The following AHRR variants were observed in gnomAD, a reference collection of about 807,000 sequenced individuals.
AHRR encodes the protein aryl hydrocarbon receptor repressor.
Under a neutral mutation model 44.0 loss-of-function variants are expected in AHRR, and 28 were observed. The observed-to-expected ratio is 0.64, with a 90% CI of 0.47 to 0.87. The LOEUF (loss-of-function observed/expected upper bound fraction) is 0.87, where lower values mean the gene tolerates loss of function less well. Among genes scored for constraint, AHRR ranks in the 40% least tolerant of loss-of-function variants. The probability of loss-of-function intolerance (pLI) is 0.00; values close to 1 mark genes in which losing one functional copy is unlikely to be tolerated. For missense variants in AHRR, 990 were observed against 953.9 expected, an observed-to-expected ratio of 1.04 and a Z score of -0.50; for synonymous variants, 434 against 407.0, an observed-to-expected ratio of 1.07 and a Z score of -0.80.
chr5:434,515 G>T lies in AHRR; in HGVS notation c.1775G>T (p.Arg592Leu). The T allele has an allele frequency of 6.2e-7, 1 of 1,611,950 alleles. No homozygotes were observed. Residue 592 changes from arginine to leucine, a missense_variant, in exon 11 of 11, where the codon CGG (arginine) becomes CTG (leucine). Transcript: ENST00000684583. ...VYISHLGHGV[R>L]GAQPHGRATA... ...ATCTCGCACCTGGGGCACGGCGTGCGGGGGGCTCAGCCCCATGGGAGGGCC... is the reference window on the plus strand; with the variant it reads ...ATCTCGCACCTGGGGCACGGCGTGCTGGGGGCTCAGCCCCATGGGAGGGCC...
chr5:425,076 G>A (rs894556121), intron 7 of AHRR, among the ~76,000 whole-genome samples: 1 of 152,232 alleles, frequency 6.6e-6, no homozygotes, highest in Admixed American at 6.5e-5. Context: ...CTCCAGCACT[G>A]TAGCTGGGCA....
At chr5:374,951 C>T (rs1259183008) in intron 3 of AHRR, among the ~76,000 whole-genome samples, 1 of 152,210 alleles carries the variant, frequency 6.6e-6, no homozygotes, top group African/African-American at 2.4e-5. Flanking sequence ...ACACCACAGA[C>T]GCTGGTCCTG....
intron 4 of AHRR, among the ~76,000 whole-genome samples, chr5:396,955 C>T (rs1734733059): frequency 6.6e-6 from 1 of 152,102 alleles, no homozygotes; most frequent in Non-Finnish European, 1.5e-5. Flanking sequence ...TTTAGATCTC[C>T]AGGACTCTCC....
At chr5:424,489 G>T in intron 7 of AHRR, among the ~76,000 whole-genome samples, 1 of 151,972 alleles carries the variant, frequency 6.6e-6, no homozygotes, top group Non-Finnish European at 1.5e-5. Flanking sequence ...TGGGCACTGA[G>T]CTCTGTGCAC....
intron 4 of AHRR, among the ~76,000 whole-genome samples, chr5:400,038 ACGCC>A (rs1579669532): frequency 6.6e-6 from 1 of 152,026 alleles, no homozygotes; most frequent in African/African-American, 2.4e-5. Flanking sequence ...AGCTGCCCCG[ACGCC>A]CGCCCGGTGC....
chr5:420,639 G>T (rs995869829), intron 5 of AHRR, among the ~76,000 whole-genome samples: 1 of 152,248 alleles, frequency 6.6e-6, no homozygotes, highest in Non-Finnish European at 1.5e-5. Context: ...CCTTCCCCAT[G>T]TGGAGAGGAT....
At position 370,569 on chromosome 5, in the gene AHRR, A is replaced by T. The variant is rs1254562739; in HGVS notation, c.245-6041A>T. The stretch of plus-strand genomic sequence containing the variant: ...TCTCACAGTGGGTGCAGCCCCAGGC[A>T]GGTGGTGGTCCATAGGGGACAGCCC... On this transcript the variant is annotated intron_variant, in intron 3 of 10. Coordinates refer to ENST00000684583, the MANE Select transcript of AHRR (RefSeq NM_001377236.1). The surrounding 1 kb of genome is among the most constrained non-coding windows in gnomAD (Gnocchi z 4.5). Among the ~76,000 whole-genome samples, 1 of 152,172 alleles carries T rather than the reference A, an allele frequency of 6.6e-6. No individual in the cohort carries two copies. The highest frequency in any genetic ancestry group is 1.5e-5 in the Non-Finnish European group (1 of 68,028).
At chr5:343,495 T>TACCTTCTCGGG (rs1410751901) in intron 1 of AHRR, 14 of 239,070 alleles carry the variant, frequency 5.9e-5, no homozygotes, top group Admixed American at 1.2e-4. Context: ...GGATCCCGCG[T>TACCTTCTCGGG]GACGAGTGTT....
chr5:388,986 G>A lies in AHRR; in HGVS notation c.351+12270G>A, dbSNP rs1162043430. Among the ~76,000 whole-genome samples, 1 of 152,158 alleles carries A rather than the reference G, an allele frequency of 6.6e-6. No homozygotes were observed. On this transcript the variant is annotated intron_variant, in intron 4 of 10. Transcript: ENST00000684583. The surrounding 1 kb of genome is among the most constrained non-coding windows in gnomAD (Gnocchi z 5.2). Reference sequence around the variant, plus strand: ...GGCCCCAAGCAGTTGTCACCTGAACGGGAGGGCTGGCTGGGGCTCAGGGCT... The same window carrying A: ...GGCCCCAAGCAGTTGTCACCTGAACAGGAGGGCTGGCTGGGGCTCAGGGCT...
intron 5 of AHRR, among the ~76,000 whole-genome samples, chr5:415,730 G>GCCGAATCTGC (rs1560916547): frequency 1.3e-5 from 2 of 152,194 alleles, no homozygotes; most frequent in East Asian, 3.9e-4. Flanking sequence ...AGGCCTAGGG[G>GCCGAATCTGC]CTGTGCAGAG....
At chr5:376,470 A>C in intron 3 of AHRR, 140 bp from the exon 4 acceptor site, 2 of 17,200 alleles carry the variant, frequency 1.2e-4, no homozygotes, top group Non-Finnish European at 6.2e-4. Context: ...CGTGGCCTGC[A>C]GAGGGGTCAG....
rs2126559285 is a variant in AHRR, at chr5:436,864, C to A, written c.*2030C>A. On this transcript the variant is annotated 3_prime_UTR_variant, in exon 11 of 11. Transcript: ENST00000684583. Reference sequence around the variant, plus strand: ...AGACCAGGCACCTGAGGACTGGCGCCTACTTCCCACTTTGGCCCTACACTG... The same window carrying A: ...AGACCAGGCACCTGAGGACTGGCGCATACTTCCCACTTTGGCCCTACACTG... 6.6e-6 allele frequency: 1 copy of A among 152,522 alleles called. No homozygotes were observed. The highest frequency in any genetic ancestry group is 2.4e-5 in the African/African-American group (1 of 41,568). 9.4% of individuals were successfully genotyped at this position (152,522 alleles called of 1,614,324 possible).
chr5:324,420 A>T, intron 1 of AHRR, among the ~76,000 whole-genome samples: 1 of 148,634 alleles, frequency 6.7e-6, no homozygotes. Context: ...TCCACTTGGA[A>T]TTTTTTTTTT....
At chr5:339,119 CTTTTT>C (rs1412419621) in intron 1 of AHRR, among the ~76,000 whole-genome samples, 2 of 152,046 alleles carry the variant, frequency 1.3e-5, no homozygotes, top group African/African-American at 4.8e-5. Context: ...CTCTCTCTCT[CTTTTT>C]AAGAGACAGG....
At chr5:335,709 T>A (rs920330286) in intron 1 of AHRR, among the ~76,000 whole-genome samples, 5 of 152,212 alleles carry the variant, frequency 3.3e-5, no homozygotes, top group Non-Finnish European at 7.3e-5. Flanking sequence ...AAGACCTGCA[T>A]CCCTTTCATG....
At chr5:360,807 G>A (rs114339872) in intron 3 of AHRR, among the ~76,000 whole-genome samples, 1,866 of 152,284 alleles carry the variant, frequency 0.012, 38 homozygotes, top group African/African-American at 0.043. Context: ...TTTTGCTGGT[G>A]AGATTTCTAA....
intron 2 of AHRR, among the ~76,000 whole-genome samples, chr5:352,662 G>A (rs1202428887): frequency 7.4e-6 from 1 of 134,752 alleles, no homozygotes; most frequent in Non-Finnish European, 1.6e-5. Context: ...GACGGTCACT[G>A]TGAGGTTAAA....
intron 1 of AHRR, among the ~76,000 whole-genome samples, chr5:329,039 A>G (rs1210001215): frequency 1.3e-5 from 2 of 152,182 alleles, no homozygotes; most frequent in African/African-American, 2.4e-5. Context: ...TTATGGGGGC[A>G]GTTTCCTCCA....
chr5:424,704 C>T (rs1212899059), intron 7 of AHRR, among the ~76,000 whole-genome samples: 1 of 152,194 alleles, frequency 6.6e-6, no homozygotes, highest in Non-Finnish European at 1.5e-5. Flanking sequence ...GGGAGAGCCT[C>T]TGGCTGTGGC....
Sources: allele counts gnomAD v4.1 joint callset (sites outside exome capture counted in the v4.1 genomes callset), GRCh38; gene constraint gnomAD v4.1.1; non-coding constraint Gnocchi (gnomAD v3.1); transcripts MANE v1.5; gene names NCBI Gene and HGNC (gene_info 2026-07-23, HGNC 2026-07-21).